The following DNAH7 variants were observed in gnomAD, a reference collection of about 807,000 sequenced individuals.
DNAH7 encodes dynein axonemal heavy chain 7.
Under a neutral mutation model 444.6 loss-of-function variants are expected in DNAH7, and 397 were observed. The ratio of observed to expected loss-of-function variants is 0.89; its 90% confidence interval spans 0.82 to 0.97. The LOEUF (loss-of-function observed/expected upper bound fraction) is 0.97, where lower values mean the gene tolerates loss of function less well. Among genes scored for constraint, DNAH7 ranks in the 50% least tolerant of loss-of-function variants. DNAH7 has a pLI of 0.00. For synonymous variants in DNAH7, 1,636 were observed against 1,624.4 expected, an observed-to-expected ratio of 1.01 and a Z score of -0.17; for missense variants, 4,902 against 4,800.8, an observed-to-expected ratio of 1.02 and a Z score of -0.62.
intron 5 of DNAH7, among the ~76,000 whole-genome samples, chr2:196,031,607 G>T (rs1696063381): frequency 6.6e-6 from 1 of 152,128 alleles, no homozygotes; most frequent in African/African-American, 2.4e-5. Flanking sequence ...TTGCTGCCTA[G>T]AAGTTTCTTC....
At chr2:195,946,101 G>A (rs540484920) in intron 19 of DNAH7, among the ~76,000 whole-genome samples, 1 of 152,276 alleles carries the variant, frequency 6.6e-6, no homozygotes, top group Admixed American at 6.5e-5. Flanking sequence ...AACTCTGGGA[G>A]AAGATGGTGT....
intron 42 of DNAH7, 52 bp from the exon 43 acceptor site, chr2:195,858,856 T>A: frequency 6.8e-7 from 1 of 1,472,982 alleles, no homozygotes; most frequent in Non-Finnish European, 9.1e-7. Context: ...GTATCCTACA[T>A]GAAGGAAAAA....
At chr2:196,039,384 C>G (rs1267568249) in intron 5 of DNAH7, among the ~76,000 whole-genome samples, 1 of 151,836 alleles carries the variant, frequency 6.6e-6, no homozygotes, top group African/African-American at 2.4e-5. Flanking sequence ...TAGTAAGAAA[C>G]CCATAAAAAA....
Position 195,897,767 on chromosome 2 carries a change from T to TAAAA in DNAH7, c.4549-6_4549-3dup, listed in dbSNP as rs61502519. The TAAAA allele has an allele frequency of 1.5e-4, 171 of 1,145,426 alleles. No individual in the cohort carries two copies. The highest frequency in any genetic ancestry group is 4.4e-4 in the South Asian group (27 of 61,376). 71.0% of individuals were successfully genotyped at this position (1,145,426 alleles called of 1,614,324 possible). A position where few individuals can be genotyped will look rare whatever the true frequency, so the allele number is the denominator to read the frequency against. On this transcript the variant is annotated splice_region_variant and splice_polypyrimidine_tract_variant and intron_variant, in intron 28 of 64. Transcript: ENST00000312428. The stretch of plus-strand genomic sequence containing the variant: ...TTCATTTTCATTTGGATATTTCAGC[T>TAAAA]AAAAAAAAAAAAAAAAACTCATGAG...
chr2:196,062,458 G>A (rs1351719445), intron 1 of DNAH7, among the ~76,000 whole-genome samples: 1 of 152,170 alleles, frequency 6.6e-6, no homozygotes, highest in African/African-American at 2.4e-5. Flanking sequence ...TTAAGTGCAT[G>A]ATTAGTAATC....
chr2:195,937,416 T>C (rs938314675), intron 19 of DNAH7, among the ~76,000 whole-genome samples: 7 of 152,304 alleles, frequency 4.6e-5, no homozygotes, highest in Non-Finnish European at 1.0e-4. Flanking sequence ...TAAGGCATGG[T>C]GAACATTCTC....
chr2:195,978,104 A>G (rs1429752741), intron 15 of DNAH7, among the ~76,000 whole-genome samples: 1 of 152,178 alleles, frequency 6.6e-6, no homozygotes, highest in African/African-American at 2.4e-5. Context: ...ACAGACTATT[A>G]TAACACTGTA....
In DNAH7 at chr2:195,923,577, T is replaced by C; in HGVS notation, c.3825+18A>G. On this transcript the variant is annotated intron_variant, in intron 23 of 64. Transcript: ENST00000312428. ...GCTGAAATTGCTGTGTAATATAACA[T>C]TCAGTGATACCACTTACTTGCCAGT... The C allele has an allele frequency of 6.2e-7, 1 of 1,611,120 alleles. No individual in the cohort carries two copies.
chr2:195,848,879 A>C (rs1254557887), intron 46 of DNAH7, among the ~76,000 whole-genome samples: 1 of 152,212 alleles, frequency 6.6e-6, no homozygotes, highest in Non-Finnish European at 1.5e-5. Flanking sequence ...AGGGCTTAGC[A>C]AACTACTTAC....
At chr2:195,866,970 C>T (rs1441301659) in intron 40 of DNAH7, among the ~76,000 whole-genome samples, 1 of 152,182 alleles carries the variant, frequency 6.6e-6, no homozygotes, top group African/African-American at 2.4e-5. Context: ...CTCCTGTCTG[C>T]CACCATGTGA....
At chr2:195,825,326 T>G (rs1697685708) in intron 48 of DNAH7, among the ~76,000 whole-genome samples, 1 of 152,066 alleles carries the variant, frequency 6.6e-6, no homozygotes, top group Non-Finnish European at 1.5e-5. Context: ...TTGAATAAAT[T>G]GTTATCTCTC....
chr2:195,939,535 A>G (rs1374752950), intron 19 of DNAH7, among the ~76,000 whole-genome samples: 3 of 152,086 alleles, frequency 2.0e-5, no homozygotes, highest in African/African-American at 7.2e-5. Flanking sequence ...TAGCAATAAG[A>G]TGTTGTAACA....
At position 195,875,664 on chromosome 2, in the gene DNAH7, A is replaced by C. The variant is rs1388039468; in HGVS notation, c.6286+11T>G. 9.1e-6 allele frequency: 14 copies of C among 1,545,986 alleles called. No individual in the cohort carries two copies. Among genetic ancestry groups the C allele is most frequent in the Non-Finnish European group, 1.2e-5 (14 of 1,147,592 alleles). On this transcript the variant is annotated intron_variant, in intron 38 of 64. Transcript: ENST00000312428. ...TTTCCATCTTAGTAATCACAAACTC[A>C]AAAAATGTACCTGGAGGTCCCATAG... is the stretch of plus-strand genomic sequence containing the variant.
intron 20 of DNAH7, among the ~76,000 whole-genome samples, chr2:195,935,744 C>T (rs1224897001): frequency 6.6e-6 from 1 of 152,052 alleles, no homozygotes; most frequent in Non-Finnish European, 1.5e-5. Flanking sequence ...ATATGGTGGT[C>T]AGGGAGGGCC....
chr2:196,061,456 C>T (rs1191432044), intron 1 of DNAH7, among the ~76,000 whole-genome samples: 1 of 152,162 alleles, frequency 6.6e-6, no homozygotes, highest in South Asian at 2.1e-4. Context: ...TAAACTCCCA[C>T]AAACCCTACC....
At chr2:196,010,476 A>G (rs1694662528) in intron 10 of DNAH7, among the ~76,000 whole-genome samples, 2 of 152,092 alleles carry the variant, frequency 1.3e-5, no homozygotes, top group Non-Finnish European at 2.9e-5. Flanking sequence ...CACTGTTGGG[A>G]ACACAAATTT....
chr2:196,008,313 G>A lies in DNAH7; in HGVS notation c.989+4474C>T, dbSNP rs1247477301. On this transcript the variant is annotated intron_variant, in intron 10 of 64. Coordinates refer to ENST00000312428, the MANE Select transcript of DNAH7 (RefSeq NM_018897.3). Reference sequence around the variant, plus strand: ...TGCTGGAAAGTGTGTGGAGAAATTGGAACCCTCATAAATTGTTGTTAGGAA... The same window carrying A: ...TGCTGGAAAGTGTGTGGAGAAATTGAAACCCTCATAAATTGTTGTTAGGAA... Among the ~76,000 whole-genome samples the A allele has an allele frequency of 3.9e-5, 6 of 152,168 alleles. No individual in the cohort carries two copies. The South Asian group carries it at 6.2e-4, about 16-fold the overall frequency.
At chr2:195,792,983 G>A (rs1695958325) in intron 57 of DNAH7, among the ~76,000 whole-genome samples, 2 of 152,170 alleles carry the variant, frequency 1.3e-5, no homozygotes, top group Admixed American at 1.3e-4. Context: ...AGGCTGGAGT[G>A]CAGTGGGATG....
At chr2:196,058,514 AATAC>A (rs1697950787) in intron 1 of DNAH7, among the ~76,000 whole-genome samples, 1 of 152,238 alleles carries the variant, frequency 6.6e-6, no homozygotes, top group Non-Finnish European at 1.5e-5. Flanking sequence ...AAACAGTAAT[AATAC>A]ATATTCTAAA....
Sources: allele counts gnomAD v4.1 joint callset (sites outside exome capture counted in the v4.1 genomes callset), GRCh38; gene constraint gnomAD v4.1.1; transcripts MANE v1.5; gene names NCBI Gene and HGNC (gene_info 2026-07-23, HGNC 2026-07-21).